The following TERT variants were observed in gnomAD, a reference collection of about 807,000 sequenced individuals.
The protein encoded by TERT is telomerase reverse transcriptase.
TERT carries 42 observed loss-of-function variants against 104.0 expected under a neutral mutation model. The ratio of observed to expected loss-of-function variants is 0.40; its 90% CI spans 0.32 to 0.52. The LOEUF (loss-of-function observed/expected upper bound fraction) is 0.52, where lower values mean the gene tolerates loss of function less well. Ranked by LOEUF, TERT falls within the 20% of genes least tolerant of loss-of-function variation. TERT has a pLI of 0.43. For synonymous variants in TERT, 781 were observed against 725.6 expected, an observed-to-expected ratio of 1.08 and a Z score of -1.23; for missense variants, 1,101 against 1,610.3, an observed-to-expected ratio of 0.68 and a Z score of 5.41.
At chr5:1,291,749 C>G (rs868217957) in intron 2 of TERT, among the ~76,000 whole-genome samples, 1 of 151,416 alleles carries the variant, frequency 6.6e-6, no homozygotes, top group African/African-American at 2.4e-5. Flanking sequence ...TCACCCTGCA[C>G]GTGACAGGGA....
chr5:1,283,340 C>T (rs1457489503), intron 2 of TERT, among the ~76,000 whole-genome samples: 3 of 135,496 alleles, frequency 2.2e-5, no homozygotes, highest in Non-Finnish European at 3.2e-5. Flanking sequence ...CACTGCAGGG[C>T]CTGGCGACCT....
rs927456654 is a variant in TERT at position 1,262,383 on chromosome 5, T to A, written c.2844-1783A>T. Among the ~76,000 whole-genome samples, 1 of 152,234 alleles carries A rather than the reference T, an allele frequency of 6.6e-6. No homozygotes were observed. The highest frequency in any genetic ancestry group is 2.4e-5 in the African/African-American group (1 of 41,464). ...CATCAGTTCTGACCACATTCTACCA[T>A]CTGAGCTGTGGTTTGGGAGACTAAA... On this transcript the variant is annotated intron_variant, in intron 11 of 15. Transcript: ENST00000310581. The surrounding 1 kb of genome is among the most constrained non-coding windows in gnomAD (Gnocchi z 5.6).
In TERT at chr5:1,294,139, C is replaced by T; in HGVS notation, c.747G>A (p.Thr249=). The T allele has an allele frequency of 6.3e-7, 1 of 1,580,754 alleles. No homozygotes were observed. The highest frequency in any genetic ancestry group is 1.7e-4 in the Middle Eastern group (1 of 6,030). The change falls in exon 2 of 16, where the codon ACG becomes ACA. Residue 249 remains threonine, a synonymous_variant. Transcript: ENST00000310581. ...GGGCCCAGGACCCCTGCCCAACGGG[C>T]GTCCGCTCCGGCTCAGGGGCAGCGC... ...RRGAAPEPER[T]PVGQGSWAHP...
At chr5:1,276,429 C>T (rs1033114151) in intron 6 of TERT, among the ~76,000 whole-genome samples, 4 of 145,074 alleles carry the variant, frequency 2.8e-5, no homozygotes, top group East Asian at 2.1e-4. Context: ...ACCTACCCCA[C>T]GGATGAAAAC....
chr5:1,272,020 GCT>G (rs1283836898), intron 7 of TERT, among the ~76,000 whole-genome samples, 163 bp downstream of exon 7: 1 of 152,264 alleles, frequency 6.6e-6, no homozygotes, highest in Admixed American at 6.5e-5. Context: ...GCATGGCCCA[GCT>G]CAGATTTCGC....
chr5:1,271,551 C>T (rs1256964469), intron 7 of TERT, among the ~76,000 whole-genome samples: 1 of 152,104 alleles, frequency 6.6e-6, no homozygotes, highest in African/African-American at 2.4e-5. Context: ...CCACCTCCAC[C>T]CCCACCCTGG....
At chr5:1,291,691 CCTCA>C (rs1225165895) in intron 2 of TERT, among the ~76,000 whole-genome samples, 1 of 149,618 alleles carries the variant, frequency 6.7e-6, no homozygotes, top group Non-Finnish European at 1.5e-5. Flanking sequence ...GGGGGCCGCG[CCTCA>C]CTCACCCTAC....
Position 1,272,212 on chromosome 5 carries a change from C to T in TERT, c.2355G>A (p.Pro785=), listed in dbSNP as rs545260840. The change falls in exon 7 of 16, where the codon CCG becomes CCA. Residue 785 remains proline (P), a synonymous_variant. Transcript: ENST00000310581. ...GCTCGATGACGACGGCATCCCTCAG[C>T]GGGCTGGTCTCCTGCAGGTGAGCCA... ...QFVAHLQETS[P]LRDAVVIEQS... 2.5e-5 allele frequency: 40 copies of T among 1,612,714 alleles called. No homozygotes were observed. Among genetic ancestry groups the T allele is most frequent in the East Asian group, 1.1e-4 (5 of 44,868 alleles).
chr5:1,285,565 ATTTTT>A (rs1170336173), intron 2 of TERT, among the ~76,000 whole-genome samples: 4 of 82,184 alleles, frequency 4.9e-5, no homozygotes, highest in Non-Finnish European at 6.5e-5. Flanking sequence ...GGCTACTAGA[ATTTTT>A]TTTTTTTTTT....
rs35122668 is a variant in TERT at position 1,261,887 on chromosome 5, C to T, written c.2844-1287G>A. 4.6e-5 allele frequency among the ~76,000 whole-genome samples: 7 copies of T among 152,314 alleles called. No individual in the cohort carries two copies. In the East Asian group the frequency reaches 1.2e-3, roughly 25 times the overall value. On this transcript the variant is annotated intron_variant, in intron 11 of 15. Transcript: ENST00000310581. This position sits in a 1 kb window ranked among gnomAD's most constrained non-coding sequence, Gnocchi z 7.4. ...CCAAGGGCGGCTGCTCCCCTGGAGC[C>T]TTTCCTCCTCTACCTCTCAGGTGGT...
chr5:1,294,361 C>A lies in TERT; in HGVS notation c.525G>T (p.Leu175=), dbSNP rs765709243. ...CCTGAGTGGCAGCGCCGAGCTGGTA[C>A]AGCGGCGGCCCGCACACCTGGTAGG... The part of the protein sequence containing the change: ...SCAYQVCGPP[L]YQLGAATQAR... Residue 175 remains leucine (L), a synonymous_variant, in exon 2 of 16, where the codon CTG becomes CTT. Coordinates refer to ENST00000310581, the MANE Select transcript of TERT (RefSeq NM_198253.3). 1 of 1,576,208 alleles carries A rather than the reference C, an allele frequency of 6.3e-7. No individual in the cohort carries two copies.
rs1463846007 is a variant in TERT, at chr5:1,258,661, TAG to T, written c.2971-4_2971-3del. ...GCACACCGTCTGGAGGCTGTTCACC[TAG>T]AGTCGCCAAGAAAGAGTGAGAAACG... is the stretch of plus-strand genomic sequence containing the variant. On this transcript the variant is annotated splice_region_variant and splice_polypyrimidine_tract_variant and intron_variant, in intron 12 of 15. Coordinates refer to ENST00000310581, the MANE Select transcript of TERT (RefSeq NM_198253.3). The T allele has an allele frequency of 3.8e-6, 6 of 1,565,860 alleles. No homozygotes were observed. The highest frequency in any genetic ancestry group is 4.3e-6 in the Non-Finnish European group (5 of 1,154,234).
Position 1,253,696 on chromosome 5 carries a change from C to G in TERT, c.*32G>C, listed in dbSNP as rs770451101. On this transcript the variant is annotated 3_prime_UTR_variant, in exon 16 of 16. Transcript: ENST00000310581. ...CCCGGCGTGACAGGGCTGCTGGTGT[C>G]TGCTCTCGGCCTGGCTGTGGGCGGG... The G allele has an allele frequency of 2.0e-5, 32 of 1,579,562 alleles. No homozygotes were observed. Among genetic ancestry groups the G allele is most frequent in the East Asian group, 1.4e-4 (6 of 44,316 alleles).
rs1353425234 is a variant in TERT at position 1,269,855 on chromosome 5, A to G, written c.2469-1222T>C. 1.3e-5 allele frequency among the ~76,000 whole-genome samples: 2 copies of G among 152,138 alleles called. No individual in the cohort carries two copies. Among genetic ancestry groups the G allele is most frequent in the African/African-American group, 4.8e-5 (2 of 41,412 alleles). On this transcript the variant is annotated intron_variant, in intron 8 of 15. Transcript: ENST00000310581. The surrounding 1 kb of genome is among the most constrained non-coding windows in gnomAD (Gnocchi z 9.0). The stretch of plus-strand genomic sequence containing the variant: ...CGTTTTTATTCAGAGGCCAAACTGG[A>G]CCACGATGGGGACTAGAGCTTCGGG...
Position 1,279,457 on chromosome 5 carries a change from G to A in TERT, c.1964C>T (p.Thr655Ile). 6.5e-7 allele frequency: 1 copy of A among 1,549,744 alleles called. No homozygotes were observed. The highest frequency in any genetic ancestry group is 8.7e-7 in the Non-Finnish European group (1 of 1,147,656). Reference sequence around the variant, plus strand: ...GCTGAACAGTGCCTTCACCCTCGAGGTGAGACGCTCGGCCTGGCGGGGACA... The same window carrying A: ...GCTGAACAGTGCCTTCACCCTCGAGATGAGACGCTCGGCCTGGCGGGGACA... ...FRREKRAERL[T>I]SRVKALFSVL... is the part of the protein sequence containing the mutation. The change falls in exon 5 of 16, where the codon ACC (threonine) becomes ATC (isoleucine). Residue 655 changes from threonine (T) to isoleucine (I), a missense_variant. Thr to Ile is a moderately conservative substitution (Grantham distance 89). Around this residue, in one of 5 missense-constraint regions of TERT, gnomAD observed 463 missense variants for 797.5 expected, o/e 0.58. Transcript: ENST00000310581.
rs1750640920 is a variant in TERT at position 1,288,670 on chromosome 5, C to T, written c.1573+4643G>A. Among the ~76,000 whole-genome samples, 1 of 152,160 alleles carries T rather than the reference C, an allele frequency of 6.6e-6. No homozygotes were observed. The highest frequency in any genetic ancestry group is 2.4e-5 in the African/African-American group (1 of 41,436). On this transcript the variant is annotated intron_variant, in intron 2 of 15. Coordinates refer to ENST00000310581, the MANE Select transcript of TERT (RefSeq NM_198253.3). This position sits in a 1 kb window ranked among gnomAD's most constrained non-coding sequence, Gnocchi z 5.3. ...TGAGGGGGCTGGGGTGACTTGCTTT[C>T]CTTCAGGGCACAGAGAACCCTTTCT...
rs575130806 is a variant in TERT at position 1,262,293 on chromosome 5, G to T, written c.2844-1693C>A. 6.4e-4 allele frequency among the ~76,000 whole-genome samples: 97 copies of T among 152,198 alleles called. No homozygotes were observed. The highest frequency in any genetic ancestry group is 2.3e-3 in the African/African-American group (94 of 41,530). On this transcript the variant is annotated intron_variant, in intron 11 of 15. Transcript: ENST00000310581. This position sits in a 1 kb window ranked among gnomAD's most constrained non-coding sequence, Gnocchi z 5.6. Reference sequence around the variant, plus strand: ...ACACACTCTCTTTTCCATCAGCTGTGCCACATACCACATTAACACACGTTT... The same window carrying T: ...ACACACTCTCTTTTCCATCAGCTGTTCCACATACCACATTAACACACGTTT...
intron 2 of TERT, among the ~76,000 whole-genome samples, chr5:1,289,203 C>T (rs541813835): frequency 5.5e-5 from 8 of 145,802 alleles, no homozygotes; most frequent in South Asian, 2.2e-4. Context: ...CAGGGACACC[C>T]GGGGACGGCG....
intron 3 of TERT, among the ~76,000 whole-genome samples, chr5:1,281,841 A>AC (rs1750043754): frequency 6.6e-6 from 1 of 152,180 alleles, no homozygotes; most frequent in Non-Finnish European, 1.5e-5. Flanking sequence ...TAAACCCAGC[A>AC]CTTTGGGAGG....
Sources: gnomAD v4.1 joint callset for allele counts (sites outside exome capture counted in the v4.1 genomes callset) on GRCh38, gnomAD v4.1.1 for gene constraint, gnomAD v4.1.1 regional missense constraint, Gnocchi (gnomAD v3.1) non-coding constraint, MANE v1.5 for transcripts, NCBI Gene and HGNC (gene_info 2026-07-23, HGNC 2026-07-21) for gene names.